Variants in RARB observed in about 807,000 individuals in gnomAD.
RARB encodes the protein HBV-activated protein.
RARB carries 17 observed loss-of-function variants against 51.9 expected under a neutral mutation model. That is an observed-to-expected ratio of 0.33 (90% CI 0.22 to 0.49). RARB has a LOEUF of 0.49. RARB is among the 20% of genes least tolerant of loss of function. The probability of loss-of-function intolerance (pLI) is 0.99; values close to 1 mark genes in which losing one functional copy is unlikely to be tolerated. For missense variants in RARB, 369 were observed against 550.8 expected, an observed-to-expected ratio of 0.67 and a Z score of 3.30; for synonymous variants, 215 against 195.4, an observed-to-expected ratio of 1.10 and a Z score of -0.84.
At position 25,079,633 on chromosome 3, in the gene RARB, G is replaced by A. The variant is rs551771679; in HGVS notation, c.-328+19457G>A. 7.2e-5 allele frequency among the ~76,000 whole-genome samples: 11 copies of A among 152,098 alleles called. No individual in the cohort carries two copies. In the South Asian group the frequency reaches 1.9e-3, roughly 26 times the overall value. On this transcript the variant is annotated intron_variant, in intron 3 of 11. Coordinates refer to the RARB transcript ENST00000383772. ...TTTTGAAGATACTTTTTCCATATCC[G>A]CTTAGATGATAGTTTTTCTTCTTTA...
At chr3:25,034,154 A>T (rs1846554) in intron 2 of RARB, among the ~76,000 whole-genome samples, 96,318 of 151,728 alleles carry the variant, frequency 0.63, 31,092 homozygotes, top group East Asian at 0.93. Flanking sequence ...TACTAAAAAT[A>T]CAAAAATTAG....
chr3:25,398,420 A>G (rs1371990833), intron 5 of RARB, among the ~76,000 whole-genome samples: 1 of 152,238 alleles, frequency 6.6e-6, no homozygotes, highest in African/African-American at 2.4e-5. Context: ...TTTCACAAAG[A>G]TAGACGGTAT....
intron 2 of RARB, among the ~76,000 whole-genome samples, chr3:24,944,476 G>A (rs1304949721): frequency 6.6e-6 from 1 of 152,102 alleles, no homozygotes; most frequent in Non-Finnish European, 1.5e-5. Context: ...TTGTTGCTTT[G>A]CAGATGTGGA....
chr3:24,860,237 C>T (rs772756524), intron 2 of RARB, among the ~76,000 whole-genome samples: 2 of 152,104 alleles, frequency 1.3e-5, no homozygotes, highest in Non-Finnish European at 2.9e-5. Flanking sequence ...AGTCACCTGG[C>T]GCATCTTGGG....
At chr3:25,491,109 A>G (rs1696712066) in intron 2 of RARB, among the ~76,000 whole-genome samples, 1 of 152,124 alleles carries the variant, frequency 6.6e-6, no homozygotes, top group Non-Finnish European at 1.5e-5. Flanking sequence ...AGTCACCTTT[A>G]TTTCAGTGGC....
intron 2 of RARB, among the ~76,000 whole-genome samples, chr3:24,894,059 T>C (rs1347227759): frequency 6.6e-6 from 1 of 152,216 alleles, no homozygotes; most frequent in East Asian, 1.9e-4. Context: ...GATTAGAAAT[T>C]ATTTCCTATA....
chr3:24,839,060 G>A (rs1283316126), intron 1 of RARB, among the ~76,000 whole-genome samples: 1 of 151,980 alleles, frequency 6.6e-6, no homozygotes, highest in Admixed American at 6.6e-5. Flanking sequence ...ATGGACTAAA[G>A]TACATATTTG....
intron 5 of RARB, among the ~76,000 whole-genome samples, chr3:25,413,024 G>GA (rs796909356): frequency 1.2e-3 from 166 of 140,566 alleles, no homozygotes; most frequent in East Asian, 3.7e-3. Flanking sequence ...CATCTTGGGG[G>GA]AAAAAAAAAA....
intron 2 of RARB, among the ~76,000 whole-genome samples, chr3:24,892,161 G>A (rs1014689712): frequency 1.3e-5 from 2 of 150,600 alleles, no homozygotes; most frequent in Non-Finnish European, 2.9e-5. Context: ...CAAGGACCCC[G>A]ACTCATCCAC....
rs111790350 is a variant in RARB, at chr3:25,321,527, A to G, written c.179-139666A>G. ...GAGGTTAGGTGTTCGAGACCAGCCC[A>G]GATGACATGGCGAAACCCCTTCTCT... On this transcript the variant is annotated intron_variant, in intron 5 of 11. Coordinates refer to the RARB transcript ENST00000383772. Among the ~76,000 whole-genome samples, 590 of 152,156 alleles carry G rather than the reference A, an allele frequency of 3.9e-3. 2 individuals are homozygous for G. Among genetic ancestry groups the G allele is most frequent in the African/African-American group, 0.013 (554 of 41,506 alleles).
intron 5 of RARB, among the ~76,000 whole-genome samples, chr3:25,340,266 A>G (rs1705190687): frequency 6.6e-6 from 1 of 152,124 alleles, no homozygotes. Context: ...TTACCTCATC[A>G]TGTTGTTTTA....
intron 1 of RARB, among the ~76,000 whole-genome samples, chr3:25,450,483 G>C (rs911508813): frequency 6.6e-6 from 1 of 152,126 alleles, no homozygotes; most frequent in Non-Finnish European, 1.5e-5. Flanking sequence ...CTGCATTGTA[G>C]GACTCTGCAG....
At chr3:25,233,978 G>A (rs1000041141) in intron 5 of RARB, among the ~76,000 whole-genome samples, 6 of 151,906 alleles carry the variant, frequency 3.9e-5, no homozygotes, top group African/African-American at 1.5e-4. Flanking sequence ...CTAATATTTT[G>A]TTGGAGATTT....
intron 4 of RARB, among the ~76,000 whole-genome samples, chr3:25,574,610 A>G (rs938010740): frequency 2.6e-5 from 4 of 152,190 alleles, no homozygotes; most frequent in Non-Finnish European, 5.9e-5. Context: ...CGGGCCGCTC[A>G]TCACCAGGTG....
At chr3:25,016,105 G>A (rs955002401) in intron 2 of RARB, among the ~76,000 whole-genome samples, 6 of 152,158 alleles carry the variant, frequency 3.9e-5, no homozygotes, top group Non-Finnish European at 5.9e-5. Flanking sequence ...TTTTGCAAGG[G>A]CAAAATCAGT....
chr3:25,485,910 C>T (rs895764076), intron 2 of RARB, among the ~76,000 whole-genome samples: 17 of 152,166 alleles, frequency 1.1e-4, no homozygotes, highest in African/African-American at 4.1e-4. Context: ...CAATTTGAAG[C>T]TCACACTGGT....
At chr3:25,446,143 C>A (rs951617878) in intron 1 of RARB, among the ~76,000 whole-genome samples, 3 of 152,202 alleles carry the variant, frequency 2.0e-5, no homozygotes, top group African/African-American at 7.2e-5. Context: ...GTAGCCCTTA[C>A]AACACACTGT....
chr3:24,983,528 C>T (rs1696721154), intron 2 of RARB, among the ~76,000 whole-genome samples: 1 of 152,106 alleles, frequency 6.6e-6, no homozygotes, highest in African/African-American at 2.4e-5. Flanking sequence ...TGCTCTCCCT[C>T]CCCTTGCCCC....
rs1188581934 is a variant in RARB at position 25,359,671 on chromosome 3, T to C, written c.179-101522T>C. Among the ~76,000 whole-genome samples, 3 of 152,330 alleles carry C rather than the reference T, an allele frequency of 2.0e-5. No homozygotes were observed. The East Asian group carries it at 5.8e-4, about 29-fold the overall frequency. ...CTCTGTACCAGAGATTCTGGTATGT[T>C]GTGTCATTGTTCTCACTGGTTTCAA... On this transcript the variant is annotated intron_variant, in intron 5 of 11. Transcript: ENST00000383772.
Sources: gnomAD v4.1 joint callset for allele counts (sites outside exome capture counted in the v4.1 genomes callset) on GRCh38, gnomAD v4.1.1 for gene constraint, MANE v1.5 for transcripts, NCBI Gene and HGNC (gene_info 2026-07-23, HGNC 2026-07-21) for gene names.